MARCHF1: variants seen among roughly 807,000 people sequenced by gnomAD.
The protein encoded by MARCHF1 is membrane associated ring-CH-type finger 1.
In MARCHF1, 40 loss-of-function variants were observed where a neutral mutation model predicts 54.2. The observed-to-expected ratio is 0.74, with a 90% CI of 0.57 to 0.96. MARCHF1 has a LOEUF of 0.96. Ranked by LOEUF, MARCHF1 falls within the 40% of genes least tolerant of loss-of-function variation. The pLI is 0.00. For missense variants in MARCHF1, 586 were observed against 656.5 expected, an observed-to-expected ratio of 0.89 and a Z score of 1.17; for synonymous variants, 236 against 236.3, an observed-to-expected ratio of 1.00 and a Z score of 0.01.
Position 163,593,616 on chromosome 4 carries a change from C to T in MARCHF1, c.1011-7687G>A, listed in dbSNP as rs552442265. 2.6e-5 allele frequency among the ~76,000 whole-genome samples: 4 copies of T among 152,214 alleles called. No individual in the cohort carries two copies. The East Asian group carries it at 5.8e-4, about 22-fold the overall frequency. ...GTGTTTGAATTTTTCTAAGCTCATC[C>T]TCAACCATGACTTCCTTCCAATTTT... On this transcript the variant is annotated intron_variant, in intron 7 of 9. Transcript: ENST00000514618.
intron 1 of MARCHF1, among the ~76,000 whole-genome samples, chr4:164,242,648 GAGA>G (rs201483064): frequency 0.036 from 5,415 of 152,296 alleles, 225 homozygotes; most frequent in African/African-American, 0.096. Context: ...GATGAGCTGT[GAGA>G]AGAAGGTTTC....
intron 1 of MARCHF1, among the ~76,000 whole-genome samples, chr4:164,343,252 T>A (rs926980076): frequency 6.6e-6 from 1 of 151,956 alleles, no homozygotes; most frequent in African/African-American, 2.4e-5. Context: ...TTGTACACCT[T>A]AAATATATAC....
chr4:163,567,137 C>T lies in MARCHF1; in HGVS notation c.1191+18612G>A, dbSNP rs185650807. ...TATCCCAGAACTTAAAGTATAATAA[C>T]AAAAAATTCTAGCTACAGCATATTC... On this transcript the variant is annotated intron_variant, in intron 8 of 9. Coordinates refer to ENST00000514618, the MANE Select transcript of MARCHF1 (RefSeq NM_001394959.1). Among the ~76,000 whole-genome samples the T allele has an allele frequency of 3.1e-3, 476 of 151,976 alleles. 10 individuals carry two copies. Among genetic ancestry groups the T allele is most frequent in the Non-Finnish European group, 2.8e-4 (19 of 67,954 alleles).
At chr4:164,234,962 C>G (rs1732506842) in intron 1 of MARCHF1, 1 of 152,056 alleles carries the variant, frequency 6.6e-6, no homozygotes, top group African/African-American at 2.4e-5. Context: ...TAAGTTTTAT[C>G]ACAGCTTCAA....
At chr4:164,259,996 T>C (rs1452815636) in intron 1 of MARCHF1, among the ~76,000 whole-genome samples, 1 of 152,198 alleles carries the variant, frequency 6.6e-6, no homozygotes, top group Non-Finnish European at 1.5e-5. Flanking sequence ...GGGTAGAACA[T>C]TGATAGTTTT....
intron 3 of MARCHF1, among the ~76,000 whole-genome samples, chr4:163,898,297 A>G (rs13109548): frequency 0.19 from 29,477 of 152,034 alleles, 3,425 homozygotes; most frequent in South Asian, 0.32. Flanking sequence ...TGCCTCTGAC[A>G]AAGGACTAAT....
chr4:163,780,209 C>G (rs1747424199), intron 4 of MARCHF1, among the ~76,000 whole-genome samples: 1 of 152,182 alleles, frequency 6.6e-6, no homozygotes, highest in Non-Finnish European at 1.5e-5. Context: ...AAGTAGAATG[C>G]AGAGCCCCAA....
intron 1 of MARCHF1, among the ~76,000 whole-genome samples, chr4:164,357,044 TG>T (rs1395474573): frequency 6.6e-6 from 1 of 151,394 alleles, no homozygotes; most frequent in African/African-American, 2.4e-5. Context: ...CAAGATAATC[TG>T]TACAACAAAC....
At chr4:164,018,482 CAAT>C (rs1290771093) in intron 2 of MARCHF1, among the ~76,000 whole-genome samples, 2 of 151,668 alleles carry the variant, frequency 1.3e-5, no homozygotes, top group South Asian at 2.1e-4. Context: ...TGTTATCACT[CAAT>C]AATAGGAAGA....
chr4:164,356,514 G>A, intron 1 of MARCHF1, among the ~76,000 whole-genome samples: 1 of 119,080 alleles, frequency 8.4e-6, no homozygotes, highest in Non-Finnish European at 1.9e-5. Context: ...ACTATCTCAA[G>A]AACAAAAAAC....
intron 1 of MARCHF1, among the ~76,000 whole-genome samples, chr4:164,240,403 T>A (rs1436379085): frequency 2.7e-4 from 41 of 152,138 alleles, no homozygotes; most frequent in Admixed American, 2.3e-3. Flanking sequence ...TGGATAAGTT[T>A]CCAGGACCAA....
At chr4:163,831,126 C>G (rs1053060229) in intron 4 of MARCHF1, among the ~76,000 whole-genome samples, 1 of 152,224 alleles carries the variant, frequency 6.6e-6, no homozygotes, top group Admixed American at 6.5e-5. Context: ...TGGCTAAATT[C>G]TCTTCGTAAC....
At chr4:163,732,680 A>C (rs1026456370) in intron 4 of MARCHF1, among the ~76,000 whole-genome samples, 1 of 152,178 alleles carries the variant, frequency 6.6e-6, no homozygotes, top group African/African-American at 2.4e-5. Context: ...TTCTCATTGG[A>C]AACAATGCAA....
intron 1 of MARCHF1, among the ~76,000 whole-genome samples, chr4:164,297,343 T>C (rs978228553): frequency 3.3e-5 from 5 of 152,094 alleles, no homozygotes; most frequent in African/African-American, 1.2e-4. Flanking sequence ...GTCTAAGTGA[T>C]TGAGATTAAC....
intron 1 of MARCHF1, among the ~76,000 whole-genome samples, chr4:164,129,594 T>C (rs1340936875): frequency 6.6e-6 from 1 of 152,182 alleles, no homozygotes; most frequent in Non-Finnish European, 1.5e-5. Context: ...TATATATTAT[T>C]TTTTGAATTA....
At chr4:163,592,294 T>C (rs1313321415) in intron 7 of MARCHF1, among the ~76,000 whole-genome samples, 1 of 152,164 alleles carries the variant, frequency 6.6e-6, no homozygotes, top group South Asian at 2.1e-4. Context: ...TGTTTTGTTT[T>C]CTCAAAGGAA....
At chr4:164,280,284 A>G (rs1232905903) in intron 1 of MARCHF1, among the ~76,000 whole-genome samples, 4 of 152,044 alleles carry the variant, frequency 2.6e-5, no homozygotes, top group Admixed American at 1.3e-4. Flanking sequence ...CAGAACTGAA[A>G]TGTCAACCTA....
intron 9 of MARCHF1, among the ~76,000 whole-genome samples, chr4:163,540,377 T>C (rs1305403819): frequency 6.6e-6 from 1 of 151,958 alleles, no homozygotes; most frequent in African/African-American, 2.4e-5. Context: ...TAAGGAAGGG[T>C]GTGTGTGGGT....
intron 1 of MARCHF1, among the ~76,000 whole-genome samples, chr4:164,368,274 ATATAT>A (rs1289700920): frequency 2.0e-5 from 3 of 151,376 alleles, no homozygotes; most frequent in Admixed American, 6.6e-5. Flanking sequence ...AATCATAAAG[ATATAT>A]TATGTTGAAT....
Sources: gnomAD v4.1 joint callset for allele counts (sites outside exome capture counted in the v4.1 genomes callset) on GRCh38, gnomAD v4.1.1 for gene constraint, MANE v1.5 for transcripts, NCBI Gene and HGNC (gene_info 2026-07-23, HGNC 2026-07-21) for gene names.